Variants in EXOSC8 observed in about 807,000 individuals in gnomAD.
The protein encoded by EXOSC8 is exosome complex component RRP43.
Under a neutral mutation model 39.9 loss-of-function variants are expected in EXOSC8, and 37 were observed. The ratio of observed to expected loss-of-function variants is 0.93; its 90% CI spans 0.71 to 1.22. The LOEUF is 1.22. EXOSC8 is among the 50% of genes most tolerant of loss of function. EXOSC8 has a pLI of 0.00. For missense variants in EXOSC8, 313 were observed against 326.6 expected (o/e 0.96, Z 0.32); for synonymous variants, 93 against 109.5 (o/e 0.85, Z 0.94).
In EXOSC8 at chr13:37,008,161, T is replaced by C. The variant is rs2059162778; in HGVS notation, c.592T>C (p.Phe198Leu). Residue 198 changes from phenylalanine to leucine, a missense_variant, in exon 9 of 11, where the codon TTT becomes CTT. By Grantham distance (22) the Phe-to-Leu change is conservative. Coordinates refer to ENST00000389704, the MANE Select transcript of EXOSC8 (RefSeq NM_181503.3). ...NIRTHPVATS[F>L]AVFDDTLLIV... ...TAGAACTCATCCAGTTGCAACTTCC[T>C]TTGCTGTGTTTGATGAGTAAGTTAA... is the stretch of plus-strand genomic sequence containing the variant. 1.3e-6 allele frequency: 2 copies of C among 1,597,478 alleles called. No homozygotes were observed. The highest frequency in any genetic ancestry group is 1.7e-6 in the Non-Finnish European group (2 of 1,173,478).
chr13:37,005,931 G>T lies in EXOSC8; in HGVS notation c.250G>T (p.Asp84Tyr). The T allele has an allele frequency of 1.3e-6, 2 of 1,564,770 alleles. No homozygotes were observed. Among genetic ancestry groups the T allele is most frequent in the South Asian group, 1.1e-5 (1 of 89,788 alleles). Residue 84 changes from aspartate to tyrosine, a missense_variant, in exon 6 of 11, where the codon GAT becomes TAT. By Grantham distance (160) the Asp-to-Tyr change is radical (BLOSUM62 -3). Transcript: ENST00000389704. ...AGTGTTTCTTTCAGTTCCTAATGTG[G>T]ATCTACCACCCCTGTGTTCATCGAG... is the stretch of plus-strand genomic sequence containing the variant. ...PDKGYVVPNV[D>Y]LPPLCSSRFR...
chr13:37,003,561 C>G (rs1232274850), intron 4 of EXOSC8: 1 of 152,696 alleles, frequency 6.5e-6, no homozygotes, highest in East Asian at 1.9e-4. Context: ...AATCTGACTC[C>G]AAAGCCTGTG....
intron 1 of EXOSC8, among the ~76,000 whole-genome samples, 161 bp downstream of exon 1, chr13:37,000,983 C>A (rs1001259769): frequency 1.1e-4 from 16 of 152,202 alleles, no homozygotes; most frequent in African/African-American, 3.6e-4. Context: ...GAGGTTGTCA[C>A]AGTGAAAAGA....
intron 9 of EXOSC8, among the ~76,000 whole-genome samples, 160 bp from the exon 10 acceptor site, chr13:37,008,569 A>G (rs1221285649): frequency 6.6e-6 from 1 of 152,242 alleles, no homozygotes; most frequent in Non-Finnish European, 1.5e-5. Flanking sequence ...AGCCTGGCCA[A>G]CATGTTGAAA....
intron 4 of EXOSC8, chr13:37,003,582 TAC>T (rs1303407660): frequency 6.5e-6 from 1 of 152,760 alleles, no homozygotes; most frequent in East Asian, 1.9e-4. Flanking sequence ...CTTCTTTGAC[TAC>T]AGTATACCCT....
intron 7 of EXOSC8, among the ~76,000 whole-genome samples, chr13:37,006,455 A>G (rs1426214966): frequency 6.6e-6 from 1 of 152,112 alleles, no homozygotes; most frequent in Non-Finnish European, 1.5e-5. Context: ...TCCTTATAGC[A>G]GATTATAACA....
At chr13:37,009,104 T>TCTC in intron 10 of EXOSC8, 80 bp from the exon 11 acceptor site, 1 of 991,670 alleles carries the variant, frequency 1.0e-6, no homozygotes, top group Non-Finnish European at 1.5e-6. Context: ...TTTTTTTGTT[T>TCTC]TATAATTTGA....
chr13:37,007,180 A>T (rs2059144852), intron 8 of EXOSC8, 109 bp downstream of exon 8: 6 of 734,150 alleles, frequency 8.2e-6, no homozygotes, highest in Middle Eastern at 2.3e-4. Flanking sequence ...TAATGAATGT[A>T]ATGCTGACAT....
intron 8 of EXOSC8, 56 bp downstream of exon 8, chr13:37,007,127 T>C: frequency 9.0e-7 from 1 of 1,105,474 alleles, no homozygotes; most frequent in Non-Finnish European, 1.4e-6. Flanking sequence ...AATGTTGTTT[T>C]GTGAAACTTT....
chr13:37,008,686 T>C (rs887942636), intron 9 of EXOSC8, 43 bp from the exon 10 acceptor site: 2 of 1,272,196 alleles, frequency 1.6e-6, no homozygotes, highest in South Asian at 1.2e-5. Flanking sequence ...TAAAGTAAAA[T>C]TTGTTCCATG....
intron 9 of EXOSC8, among the ~76,000 whole-genome samples, chr13:37,008,471 C>A (rs1166218965): frequency 6.6e-6 from 1 of 152,168 alleles, no homozygotes; most frequent in Non-Finnish European, 1.5e-5. Flanking sequence ...AATAGAAGAG[C>A]AGGGCCGGGC....
chr13:37,008,820 T>A lies in EXOSC8; in HGVS notation c.700T>A (p.Cys234Ser), dbSNP rs751482842. The change falls in exon 10 of 11, where the codon TGT becomes AGT. Residue 234 changes from cysteine (C) to serine (S), a missense_variant. Coordinates refer to ENST00000389704, the MANE Select transcript of EXOSC8 (RefSeq NM_181503.3). ...AATGGATGAGGAAGGCAAACTCTGT[T>A]GTCTTCACAAACCAGGCATGTTCCC... ...IVMDEEGKLC[C>S]LHKPGGSGLT... The A allele has an allele frequency of 1.2e-6, 2 of 1,606,234 alleles. No individual in the cohort carries two copies. The highest frequency in any genetic ancestry group is 2.2e-5 in the South Asian group (2 of 90,662).
At position 37,009,411 on chromosome 13, in the gene EXOSC8, A is replaced by ATTAT. The variant is rs1179522376; in HGVS notation, c.*115_*118dup. ...CTACATTCTTCTGAAAGATGTTTCTATTATTTCTTAGGTCACTTCCATATA... is the reference window on the plus strand; with the variant it reads ...CTACATTCTTCTGAAAGATGTTTCTATTATTTATTTCTTAGGTCACTTCCATATA... On this transcript the variant is annotated 3_prime_UTR_variant, in exon 11 of 11. Transcript: ENST00000389704. The ATTAT allele has an allele frequency of 1.3e-6, 1 of 768,508 alleles. No individual in the cohort carries two copies. Among genetic ancestry groups the ATTAT allele is most frequent in the East Asian group, 2.7e-5 (1 of 37,354 alleles). 47.6% of individuals were successfully genotyped at this position (768,508 alleles called of 1,614,324 possible). A position where few individuals can be genotyped will look rare whatever the true frequency, so the allele number is the denominator to read the frequency against.
At chr13:37,001,128 G>T (rs1263641564) in intron 1 of EXOSC8, among the ~76,000 whole-genome samples, 1 of 152,220 alleles carries the variant, frequency 6.6e-6, no homozygotes, top group Admixed American at 6.5e-5. Context: ...TAAAGATTGT[G>T]GCCGGGCGCG....
At chr13:37,000,877 C>T (rs2059095244) in intron 1 of EXOSC8, 55 bp downstream of exon 1, 2 of 1,450,918 alleles carry the variant, frequency 1.4e-6, no homozygotes, top group South Asian at 1.4e-5. Flanking sequence ...CGGCAGCTTC[C>T]TTTAACTCTT....
rs1188428073 is a variant in EXOSC8 at position 37,006,895 on chromosome 13, G to GTGGT, written c.391-78_391-75dup. 6 of 839,868 alleles carry GTGGT rather than the reference G, an allele frequency of 7.1e-6. No individual in the cohort carries two copies. The Admixed American group carries it at 1.2e-4, about 17-fold the overall frequency. 52.0% of individuals were successfully genotyped at this position (839,868 alleles called of 1,614,324 possible). A position where few individuals can be genotyped will look rare whatever the true frequency, so the allele number is the denominator to read the frequency against. ...TCTTGCTTGTTTAACCAAGGGTTCT[G>GTGGT]TGGTTCTTAAGTCTAAGCTAATAGC... On this transcript the variant is annotated intron_variant, in intron 7 of 10. Coordinates refer to ENST00000389704, the MANE Select transcript of EXOSC8 (RefSeq NM_181503.3).
At chr13:37,005,290 TAGC>T (rs1471545083) in intron 5 of EXOSC8, among the ~76,000 whole-genome samples, 1 of 152,196 alleles carries the variant, frequency 6.6e-6, no homozygotes, top group Non-Finnish European at 1.5e-5. Context: ...AGTTGGATGT[TAGC>T]AGAGGGGCTA....
chr13:37,006,468 A>G (rs1274824472), intron 7 of EXOSC8, among the ~76,000 whole-genome samples: 2 of 152,072 alleles, frequency 1.3e-5, no homozygotes, highest in African/African-American at 4.8e-5. Context: ...TTATAACATT[A>G]ATCATGTTAA....
intron 8 of EXOSC8, among the ~76,000 whole-genome samples, chr13:37,007,786 A>G (rs1244867194): frequency 6.6e-6 from 1 of 152,200 alleles, no homozygotes. Flanking sequence ...GAAAATGCTT[A>G]AAACAGTACC....
Sources: gnomAD v4.1 joint callset for allele counts (sites outside exome capture counted in the v4.1 genomes callset) on GRCh38, gnomAD v4.1.1 for gene constraint, MANE v1.5 for transcripts, NCBI Gene and HGNC (gene_info 2026-07-23, HGNC 2026-07-21) for gene names.